The following NUP37 variants were observed in gnomAD, a reference collection of about 807,000 sequenced individuals.
The protein encoded by NUP37 is nucleoporin Nup37.
Under a neutral mutation model 45.4 loss-of-function variants are expected in NUP37, and 33 were observed. That is an observed-to-expected ratio of 0.73 (90% CI 0.55 to 0.97). NUP37 has a LOEUF of 0.97. Ranked by LOEUF, NUP37 falls within the 50% of genes least tolerant of loss-of-function variation. The pLI, the probability that NUP37 is intolerant of heterozygous loss-of-function variation, is 0.00. For missense variants in NUP37, 365 were observed against 389.7 expected (o/e 0.94, Z 0.53); for synonymous variants, 127 against 130.7 (o/e 0.97, Z 0.19).
At chr12:102,091,463 A>G (rs1478227679) in intron 5 of NUP37, among the ~76,000 whole-genome samples, 1 of 151,588 alleles carries the variant, frequency 6.6e-6, no homozygotes, top group Admixed American at 6.6e-5. Context: ...AGCCTTCATA[A>G]TACACATAAT....
chr12:102,086,480 C>A (rs1414631654), intron 5 of NUP37, among the ~76,000 whole-genome samples: 1 of 152,172 alleles, frequency 6.6e-6, no homozygotes, highest in Non-Finnish European at 1.5e-5. Flanking sequence ...ACGATTAAAG[C>A]TGGGTTGAAA....
chr12:102,099,351 G>T, intron 4 of NUP37, 151 bp from the exon 5 acceptor site: 1 of 633,062 alleles, frequency 1.6e-6, no homozygotes, highest in Non-Finnish European at 2.8e-6. Flanking sequence ...TTTAAAGCAC[G>T]ATTTATACAC....
At chr12:102,115,085 T>C (rs576246107) in intron 2 of NUP37, among the ~76,000 whole-genome samples, 1 of 152,290 alleles carries the variant, frequency 6.6e-6, no homozygotes, top group African/African-American at 2.4e-5. Flanking sequence ...ACAAATAACA[T>C]AAAATCCATT....
At chr12:102,109,025 T>C (rs1209356468) in intron 3 of NUP37, among the ~76,000 whole-genome samples, 1 of 151,982 alleles carries the variant, frequency 6.6e-6, no homozygotes, top group Admixed American at 6.6e-5. Flanking sequence ...AAAAAGAAAA[T>C]TAATAATCTT....
At chr12:102,107,987 T>C (rs1880204209) in intron 3 of NUP37, among the ~76,000 whole-genome samples, 1 of 152,200 alleles carries the variant, frequency 6.6e-6, no homozygotes, top group Admixed American at 6.5e-5. Flanking sequence ...TGTGATTTCA[T>C]GAATGTTTAC....
intron 8 of NUP37, among the ~76,000 whole-genome samples, chr12:102,075,904 G>A (rs774090905): frequency 1.2e-4 from 18 of 150,842 alleles, no homozygotes; most frequent in South Asian, 4.2e-4. Context: ...TTAATTGTTC[G>A]GCAAATGGAG....
chr12:102,116,206 CCT>C lies in NUP37; in HGVS notation c.156+2155_156+2156del, dbSNP rs143960640. Among the ~76,000 whole-genome samples, 809 of 152,254 alleles carry C rather than the reference CCT, an allele frequency of 5.3e-3. 3 individuals carry two copies. Among genetic ancestry groups the C allele is most frequent in the African/African-American group, 0.017 (707 of 41,552 alleles). On this transcript the variant is annotated intron_variant, in intron 2 of 9. Coordinates refer to ENST00000552283, the MANE Select transcript of NUP37 (RefSeq NM_024057.4). ...CCAACTTCTCCCTCTCTCATCTTTG[CCT>C]CTCTTTTCCTAATTTGTTCTCCACT...
intron 6 of NUP37, among the ~76,000 whole-genome samples, chr12:102,083,282 CAG>C (rs1879378705): frequency 6.6e-6 from 1 of 152,188 alleles, no homozygotes; most frequent in Admixed American, 6.5e-5. Flanking sequence ...TCACTGCTCT[CAG>C]GGAGAAATGT....
chr12:102,118,246 C>CTT, intron 2 of NUP37, 117 bp downstream of exon 2: 169 of 814,600 alleles, frequency 2.1e-4, no homozygotes, highest in South Asian at 3.7e-4. Flanking sequence ...TGGATCTTAT[C>CTT]TTTTTTTTTT....
chr12:102,078,822 TG>T (rs1879255619), intron 6 of NUP37, among the ~76,000 whole-genome samples: 1 of 152,236 alleles, frequency 6.6e-6, no homozygotes, highest in African/African-American at 2.4e-5. Context: ...TTTAATACAC[TG>T]GTAAGTTTTA....
chr12:102,079,389 T>C (rs1465914697), intron 6 of NUP37, among the ~76,000 whole-genome samples: 1 of 152,214 alleles, frequency 6.6e-6, no homozygotes, highest in Non-Finnish European at 1.5e-5. Flanking sequence ...CACACATGGA[T>C]AGTCAATTTC....
At chr12:102,109,002 A>C (rs1170055094) in intron 3 of NUP37, among the ~76,000 whole-genome samples, 1 of 152,254 alleles carries the variant, frequency 6.6e-6, no homozygotes, top group East Asian at 1.9e-4. Flanking sequence ...CAGTAATCAA[A>C]GAATACTTAC....
chr12:102,077,494 C>T lies in NUP37; in HGVS notation c.550G>A (p.Ala184Thr). The T allele has an allele frequency of 6.2e-7, 1 of 1,612,458 alleles. No homozygotes were observed. The highest frequency in any genetic ancestry group is 8.5e-7 in the Non-Finnish European group (1 of 1,179,708). Residue 184 changes from alanine (A) to threonine (T), a missense_variant, in exon 7 of 10, where the codon GCA becomes ACA. Transcript: ENST00000552283. Reference protein sequence around the residue: ...HPEETFKLMVAEKNGTIRFYD... With the variant: ...HPEETFKLMVTEKNGTIRFYD... ...AACCGGATTGTTCCATTCTTCTCTG[C>T]AACCATTAGCTGTAAGACAGAAAAA...
intron 3 of NUP37, among the ~76,000 whole-genome samples, chr12:102,110,950 T>TA (rs1181991832): frequency 6.6e-6 from 1 of 152,176 alleles, no homozygotes; most frequent in Non-Finnish European, 1.5e-5. Context: ...CTTAAAATGT[T>TA]AAACATACAT....
At chr12:102,109,445 CACAATTATGT>C (rs771500334) in intron 3 of NUP37, among the ~76,000 whole-genome samples, 1 of 152,058 alleles carries the variant, frequency 6.6e-6, no homozygotes, top group Non-Finnish European at 1.5e-5. Context: ...ATAGTATAAT[CACAATTATGT>C]ACAATTATGT....
rs1229212236 is a variant in NUP37 at position 102,101,042 on chromosome 12, T to G, written c.344A>C (p.Asn115Thr). 5 of 1,527,008 alleles carry G rather than the reference T, an allele frequency of 3.3e-6. No individual in the cohort carries two copies. Among genetic ancestry groups the G allele is most frequent in the Non-Finnish European group, 4.5e-6 (5 of 1,118,516 alleles). The allele number at this position is 1,527,008 out of a possible 1,614,324, so 94.6% of individuals were successfully genotyped here. A position where few individuals can be genotyped will look rare whatever the true frequency, so the allele number is the denominator to read the frequency against. ...TGGTTGTCAACATACCTTATATTCATTTTTATCCTGAAGATCTGAAGTAAA... is the reference window on the plus strand; with the variant it reads ...TGGTTGTCAACATACCTTATATTCAGTTTTATCCTGAAGATCTGAAGTAAA... ...RLFTSDLQDK[N>T]EYKVLEGHTD... is the part of the protein sequence containing the mutation. The change falls in exon 4 of 10, where the codon AAT (asparagine) becomes ACT (threonine). Residue 115 changes from asparagine to threonine, a missense_variant. Physicochemically the swap from Asn to Thr is moderately conservative, Grantham distance 65. Transcript: ENST00000552283.
intron 1 of NUP37, among the ~76,000 whole-genome samples, chr12:102,119,709 C>G (rs963259528): frequency 1.3e-5 from 2 of 152,090 alleles, no homozygotes; most frequent in African/African-American, 4.8e-5. Flanking sequence ...GTGTTATGGA[C>G]ACGGAGACAG....
At chr12:102,094,942 A>G (rs1485692189) in intron 5 of NUP37, among the ~76,000 whole-genome samples, 1 of 152,074 alleles carries the variant, frequency 6.6e-6, no homozygotes, top group Non-Finnish European at 1.5e-5. Flanking sequence ...ATATTTTAAA[A>G]GATTATTGAG....
chr12:102,074,886 C>A, intron 9 of NUP37, 115 bp downstream of exon 9: 1 of 535,726 alleles, frequency 1.9e-6, no homozygotes, highest in Non-Finnish European at 3.2e-6. Flanking sequence ...AAGCAGATAA[C>A]AAACGTAAAT....
Sources: gnomAD v4.1 joint callset for allele counts (sites outside exome capture counted in the v4.1 genomes callset) on GRCh38, gnomAD v4.1.1 for gene constraint, MANE v1.5 for transcripts, NCBI Gene and HGNC (gene_info 2026-07-23, HGNC 2026-07-21) for gene names.